GPM6A: variants seen among roughly 807,000 people sequenced by gnomAD.
The protein encoded by GPM6A is neuronal membrane glycoprotein M6-a.
A neutral mutation model predicts 32.1 loss-of-function variants in GPM6A; 7 were observed. The ratio of observed to expected loss-of-function variants is 0.22; its 90% CI spans 0.12 to 0.41. The LOEUF is 0.41. GPM6A is among the 10% of genes least tolerant of loss of function. The pLI, the probability that GPM6A is intolerant of heterozygous loss-of-function variation, is 1.00. For missense variants in GPM6A, 235 were observed against 347.2 expected (o/e 0.68, Z 2.57); for synonymous variants, 130 against 123.4 (o/e 1.05, Z -0.35).
intron 1 of GPM6A, among the ~76,000 whole-genome samples, chr4:175,957,058 A>AT (rs11295781): frequency 2.0e-5 from 3 of 152,130 alleles, no homozygotes; most frequent in Non-Finnish European, 2.9e-5. Context: ...AGAAAAATAT[A>AT]TTTTTTTACT....
intron 1 of GPM6A, among the ~76,000 whole-genome samples, chr4:175,873,396 C>T (rs1736974645): frequency 6.6e-6 from 1 of 151,916 alleles, no homozygotes; most frequent in Non-Finnish European, 1.5e-5. Flanking sequence ...ACATTTTCTT[C>T]TATGTGTGAA....
intron 1 of GPM6A, among the ~76,000 whole-genome samples, chr4:175,864,777 C>T (rs1736679305): frequency 6.6e-6 from 1 of 151,868 alleles, no homozygotes; most frequent in Non-Finnish European, 1.5e-5. Context: ...ATTTGGTGTT[C>T]TTTATACCTA....
chr4:175,715,942 G>C (rs1029422014), intron 1 of GPM6A, among the ~76,000 whole-genome samples: 5 of 152,260 alleles, frequency 3.3e-5, no homozygotes, highest in Non-Finnish European at 5.9e-5. Context: ...GCACATGCCT[G>C]TAATCACAGC....
rs1553992479 is a variant in GPM6A, at chr4:175,820,504, T to TTC, written c.-22-8256_-22-8255insGA. On this transcript the variant is annotated intron_variant, in intron 1 of 7. Transcript: ENST00000280187. ...GTTTTCTTTTTTCTTTTCTTTCTTT[T>TTC]TTTTTTTTTTTTTTGAGATGGAGTC... Among the ~76,000 whole-genome samples the TTC allele has an allele frequency of 2.1e-5, 3 of 141,948 alleles. No individual in the cohort carries two copies. The East Asian group carries it at 6.0e-4, about 28-fold the overall frequency. 93.1% of individuals were successfully genotyped at this position (141,948 alleles called of 152,430 possible).
intron 1 of GPM6A, among the ~76,000 whole-genome samples, chr4:175,944,615 A>T (rs11133120): frequency 0.49 from 74,571 of 152,152 alleles, 22,526 homozygotes; most frequent in Non-Finnish European, 0.64. Context: ...TTATCAGGGG[A>T]ATACCATTAC....
At chr4:175,699,875 T>C (rs1429157301) in intron 2 of GPM6A, among the ~76,000 whole-genome samples, 2 of 152,192 alleles carry the variant, frequency 1.3e-5, no homozygotes, top group Non-Finnish European at 2.9e-5. Context: ...GATAGAAATG[T>C]ATAACTCTAT....
rs189123747 is a variant in GPM6A, at chr4:175,634,710, C to T, written c.*195G>A. On this transcript the variant is annotated 3_prime_UTR_variant, in exon 7 of 7. Coordinates refer to ENST00000393658, the MANE Select transcript of GPM6A (RefSeq NM_201591.3). ...CTGGATAGGAGCTTGTAGAAAAGAT[C>T]TGATTTACATCAATTTAATAAATTG... 1,245 of 505,170 alleles carry T rather than the reference C, an allele frequency of 2.5e-3. 39 individuals are homozygous for T. In the South Asian group the frequency reaches 0.036, roughly 15 times the overall value. The allele number at this position is 505,170 out of a possible 1,614,324, so 31.3% of individuals were successfully genotyped here.
intron 1 of GPM6A, among the ~76,000 whole-genome samples, chr4:175,827,192 A>G (rs1735465292): frequency 6.6e-6 from 1 of 152,226 alleles, no homozygotes; most frequent in Non-Finnish European, 1.5e-5. Flanking sequence ...AAATGATGTA[A>G]TTATATCCAT....
chr4:175,694,960 C>T (rs1744494833), intron 2 of GPM6A, among the ~76,000 whole-genome samples: 1 of 152,190 alleles, frequency 6.6e-6, no homozygotes, highest in African/African-American at 2.4e-5. Context: ...GCTACTCCCA[C>T]TCCAGCCATG....
intron 1 of GPM6A, among the ~76,000 whole-genome samples, chr4:175,902,964 T>C (rs1280276893): frequency 1.3e-5 from 2 of 152,124 alleles, no homozygotes; most frequent in African/African-American, 4.8e-5. Flanking sequence ...GAAATAAAGA[T>C]ATCTAAATAT....
intron 1 of GPM6A, among the ~76,000 whole-genome samples, chr4:175,961,568 T>A (rs2126402825): frequency 6.6e-6 from 1 of 152,224 alleles, no homozygotes; most frequent in Middle Eastern, 3.4e-3. Flanking sequence ...TTGGACAAGT[T>A]TGAGAATTAA....
chr4:175,851,162 GC>G (rs1351851176), intron 1 of GPM6A, among the ~76,000 whole-genome samples: 1 of 151,890 alleles, frequency 6.6e-6, no homozygotes, highest in Non-Finnish European at 1.5e-5. Context: ...TTTGAGACCA[GC>G]CTGGCCAACA....
chr4:175,914,919 C>T (rs1314757172), intron 1 of GPM6A, among the ~76,000 whole-genome samples: 1 of 152,120 alleles, frequency 6.6e-6, no homozygotes, highest in Non-Finnish European at 1.5e-5. Context: ...CAATAACAAT[C>T]AAGAACCTAG....
intron 6 of GPM6A, among the ~76,000 whole-genome samples, chr4:175,637,684 T>A (rs1369446601): frequency 0.013 from 20 of 1,544 alleles, no homozygotes; most frequent in African/African-American, 0.034. Flanking sequence ...AATATATATA[T>A]AATATATAAT....
chr4:175,688,226 T>G (rs957050938), intron 2 of GPM6A, among the ~76,000 whole-genome samples: 1 of 152,214 alleles, frequency 6.6e-6, no homozygotes, highest in African/African-American at 2.4e-5. Context: ...CTATTATTTT[T>G]GCTTTTGTGA....
intron 6 of GPM6A, among the ~76,000 whole-genome samples, chr4:175,637,716 T>C (rs1190578410): frequency 1.6e-5 from 1 of 62,966 alleles, no homozygotes; most frequent in Non-Finnish European, 2.7e-5. Flanking sequence ...TATATATATT[T>C]ATATATAATA....
intron 1 of GPM6A, among the ~76,000 whole-genome samples, chr4:175,729,883 TTA>T (rs200571758): frequency 0.085 from 12,502 of 146,532 alleles, 816 homozygotes; most frequent in East Asian, 0.29. Context: ...AATAATTATA[TTA>T]TATATTAATA....
chr4:175,731,256 G>A (rs1171455944), intron 1 of GPM6A, among the ~76,000 whole-genome samples: 1 of 152,066 alleles, frequency 6.6e-6, no homozygotes, highest in Admixed American at 6.5e-5. Context: ...CGATAGACTG[G>A]AATCCTTGAG....
chr4:175,918,727 T>G (rs1282336610), intron 1 of GPM6A, among the ~76,000 whole-genome samples: 1 of 152,148 alleles, frequency 6.6e-6, no homozygotes, highest in African/African-American at 2.4e-5. Flanking sequence ...CAAAAACATG[T>G]GTTTCCAGTA....
Sources: gnomAD v4.1 joint callset for allele counts (sites outside exome capture counted in the v4.1 genomes callset) on GRCh38, gnomAD v4.1.1 for gene constraint, MANE v1.5 for transcripts, NCBI Gene and HGNC (gene_info 2026-07-23, HGNC 2026-07-21) for gene names.